Variants in ITSN1 observed in about 807,000 individuals in gnomAD.
ITSN1 encodes intersectin 1, also known as intersectin-1.
Under a neutral mutation model 239.8 loss-of-function variants are expected in ITSN1, and 58 were observed. The observed-to-expected ratio is 0.24, with a 90% confidence interval of 0.20 to 0.30. The LOEUF (loss-of-function observed/expected upper bound fraction) is 0.30. Ranked by LOEUF, ITSN1 falls within the 10% of genes least tolerant of loss-of-function variation. The pLI is 1.00. For missense variants in ITSN1, 1,558 were observed against 2,103.3 expected (o/e 0.74, Z 5.07); for synonymous variants, 780 against 770.8 (o/e 1.01, Z -0.20).
Position 33,794,641 on chromosome 21 carries a change from A to G in ITSN1, c.1952+173A>G, listed in dbSNP as rs2073369. Among the ~76,000 whole-genome samples the G allele has an allele frequency of 0.15, 22,267 of 152,232 alleles. 2,165 individuals are homozygous for G. The highest frequency in any genetic ancestry group is 0.28 in the East Asian group (1,442 of 5,176). On this transcript the variant is annotated intron_variant, in intron 17 of 39. Transcript: ENST00000381318. ...GTATATATGAATCTTTGCATGTATC[A>G]GTACCCTCTGAAGTTTTTGGTTGGT...
chr21:33,895,753 C>T lies in ITSN1; in HGVS notation c.*7453C>T, dbSNP rs998107063. 4 of 152,290 alleles carry T rather than the reference C, an allele frequency of 2.6e-5. 1 individual carries two copies. The highest frequency in any genetic ancestry group is 2.4e-5 in the African/African-American group (1 of 41,426). The allele number at this position is 152,290 out of a possible 1,614,324, so 9.4% of individuals were successfully genotyped here. ...CGCATGCGTGTGTACCTACCCACAC[C>T]TAGGGGGATGCATGGCTCTGTGCCT... On this transcript the variant is annotated 3_prime_UTR_variant, in exon 40 of 40. Transcript: ENST00000381318.
At chr21:33,713,923 C>G (rs541099591) in intron 1 of ITSN1, among the ~76,000 whole-genome samples, 1 of 143,914 alleles carries the variant, frequency 6.9e-6, no homozygotes, top group Non-Finnish European at 1.5e-5. Context: ...CAACCTCCGG[C>G]TCTCGGGTTC....
At chr21:33,707,483 A>T (rs1379752286) in intron 1 of ITSN1, among the ~76,000 whole-genome samples, 1 of 152,108 alleles carries the variant, frequency 6.6e-6, no homozygotes, top group African/African-American at 2.4e-5. Context: ...CTGTGAAATC[A>T]TCATTCCCAA....
At chr21:33,743,117 A>C (rs2066962523) in intron 5 of ITSN1, among the ~76,000 whole-genome samples, 1 of 152,204 alleles carries the variant, frequency 6.6e-6, no homozygotes, top group African/African-American at 2.4e-5. Flanking sequence ...GAAGCAACAC[A>C]GGGGATACTA....
intron 25 of ITSN1, 46 bp from the exon 26 acceptor site, chr21:33,826,772 G>T: frequency 6.3e-7 from 1 of 1,580,208 alleles, no homozygotes; most frequent in South Asian, 1.1e-5. Context: ...AAAGTTGCAT[G>T]ATCAAAACTT....
chr21:33,790,418 T>C (rs1253404836), intron 16 of ITSN1, among the ~76,000 whole-genome samples: 6 of 152,134 alleles, frequency 3.9e-5, no homozygotes, highest in Non-Finnish European at 8.8e-5. Context: ...ACTGTAATTA[T>C]GTTTTATTGG....
chr21:33,775,917 T>G (rs2069563492), intron 14 of ITSN1, among the ~76,000 whole-genome samples: 2 of 152,348 alleles, frequency 1.3e-5, no homozygotes, highest in African/African-American at 4.8e-5. Flanking sequence ...TATCAAGTGC[T>G]GAACTACAGG....
At chr21:33,847,403 T>G (rs1248664879) in intron 29 of ITSN1, among the ~76,000 whole-genome samples, 2 of 152,224 alleles carry the variant, frequency 1.3e-5, no homozygotes, top group African/African-American at 2.4e-5. Flanking sequence ...GAGAAAAGCT[T>G]AAGGACCACC....
chr21:33,829,661 C>T lies in ITSN1; in HGVS notation c.3267C>T (p.Gly1089=), dbSNP rs370282833. 1 of 1,612,332 alleles carries T rather than the reference C, an allele frequency of 6.2e-7. No homozygotes were observed. Among genetic ancestry groups the T allele is most frequent in the Non-Finnish European group, 8.5e-7 (1 of 1,179,918 alleles). Residue 1089 remains glycine (G), a synonymous_variant, in exon 27 of 40, where the codon GGC becomes GGT. Coordinates refer to ENST00000381318, the MANE Select transcript of ITSN1 (RefSeq NM_003024.3). ...AQVIASYTAT[G]PEQLTLAPGQ... Reference sequence around the variant, plus strand: ...TTATTGCCTCATACACCGCCACCGGCCCCGAGCAGCTCACTCTCGCCCCTG... The same window carrying T: ...TTATTGCCTCATACACCGCCACCGGTCCCGAGCAGCTCACTCTCGCCCCTG...
chr21:33,686,486 G>A (rs930526188), intron 1 of ITSN1, among the ~76,000 whole-genome samples: 3 of 152,148 alleles, frequency 2.0e-5, no homozygotes, highest in Non-Finnish European at 2.9e-5. Flanking sequence ...GAGTCTGGCT[G>A]GGTGGGTAAG....
At chr21:33,733,913 A>G (rs1297732040) in intron 4 of ITSN1, among the ~76,000 whole-genome samples, 1 of 152,074 alleles carries the variant, frequency 6.6e-6, no homozygotes, top group African/African-American at 2.4e-5. Context: ...AGATTTTTTT[A>G]TCTTTGTCTT....
chr21:33,741,655 G>C (rs1279612294), intron 5 of ITSN1, among the ~76,000 whole-genome samples: 1 of 151,954 alleles, frequency 6.6e-6, no homozygotes, highest in Non-Finnish European at 1.5e-5. Context: ...CACTTTGGGG[G>C]GCCCAGGTGG....
chr21:33,808,193 C>CAAAAAAAAAAA (rs201200641), intron 20 of ITSN1, among the ~76,000 whole-genome samples: 2 of 118,882 alleles, frequency 1.7e-5, no homozygotes, highest in African/African-American at 6.2e-5. Flanking sequence ...GACTCCGTCT[C>CAAAAAAAAAAA]AAAAAAAAAA....
At chr21:33,883,897 T>TTTG (rs1985358149) in intron 36 of ITSN1, among the ~76,000 whole-genome samples, 1 of 147,368 alleles carries the variant, frequency 6.8e-6, no homozygotes, top group Non-Finnish European at 1.5e-5. Flanking sequence ...TGCTTGAGTT[T>TTTG]TTTTTTTTTT....
chr21:33,722,282 A>G (rs1328859831), intron 3 of ITSN1, among the ~76,000 whole-genome samples: 1 of 152,254 alleles, frequency 6.6e-6, no homozygotes, highest in African/African-American at 2.4e-5. Context: ...AAGGATTTCT[A>G]TAAATGTGCT....
At chr21:33,716,276 C>G (rs1263192680) in intron 1 of ITSN1, among the ~76,000 whole-genome samples, 1 of 152,176 alleles carries the variant, frequency 6.6e-6, no homozygotes, top group African/African-American at 2.4e-5. Context: ...GTAACTACTT[C>G]AGTCCCGTCT....
At chr21:33,876,176 TCCTTCC>T (rs1983823515) in intron 34 of ITSN1, among the ~76,000 whole-genome samples, 1 of 146,014 alleles carries the variant, frequency 6.8e-6, no homozygotes, top group African/African-American at 2.6e-5. Flanking sequence ...TTTCTTTCTT[TCCTTCC>T]TTCCTTCTCT....
At chr21:33,673,097 T>A (rs1041751668) in intron 1 of ITSN1, among the ~76,000 whole-genome samples, 6 of 152,222 alleles carry the variant, frequency 3.9e-5, no homozygotes, top group African/African-American at 1.4e-4. Flanking sequence ...AAGGTGATCC[T>A]GTCATTTGTG....
chr21:33,725,926 T>C (rs1041477900), intron 4 of ITSN1, among the ~76,000 whole-genome samples: 1 of 152,242 alleles, frequency 6.6e-6, no homozygotes, highest in Non-Finnish European at 1.5e-5. Flanking sequence ...TGAGCTGATT[T>C]GATACTTATT....
Sources: gnomAD v4.1 joint callset for allele counts (sites outside exome capture counted in the v4.1 genomes callset) on GRCh38, gnomAD v4.1.1 for gene constraint, MANE v1.5 for transcripts, NCBI Gene and HGNC (gene_info 2026-07-23, HGNC 2026-07-21) for gene names.